Variants in ZEB2 observed in about 807,000 individuals in gnomAD.
ZEB2 encodes the protein zinc finger E-box-binding homeobox 2.
Under a neutral mutation model 99.9 loss-of-function variants are expected in ZEB2, and 6 were observed. That is an observed-to-expected ratio of 0.06 (90% confidence interval 0.03 to 0.12). The LOEUF is 0.12. Among genes scored for constraint, ZEB2 ranks in the 10% least tolerant of loss-of-function variants. The probability of loss-of-function intolerance (pLI) is 1.00; values close to 1 mark genes in which losing one functional copy is unlikely to be tolerated. For missense variants in ZEB2, 969 were observed against 1,502.8 expected (o/e 0.64, Z 5.87); for synonymous variants, 517 against 542.5 (o/e 0.95, Z 0.65).
chr2:144,465,028 ACCTCACTTGT>A (rs1704252737), intron 2 of ZEB2, among the ~76,000 whole-genome samples: 1 of 152,178 alleles, frequency 6.6e-6, no homozygotes, highest in Non-Finnish European at 1.5e-5. Flanking sequence ...CAACAGAAAC[ACCTCACTTGT>A]CCAACTCACC....
intron 2 of ZEB2, chr2:144,464,472 G>A (rs904654198): frequency 6.6e-6 from 1 of 152,086 alleles, no homozygotes; most frequent in Admixed American, 6.5e-5. Flanking sequence ...AGATAACATA[G>A]CTGGGCTTTA....
At chr2:144,409,536 T>C (rs551298123) in intron 4 of ZEB2, among the ~76,000 whole-genome samples, 2 of 152,150 alleles carry the variant, frequency 1.3e-5, no homozygotes, top group Non-Finnish European at 2.9e-5. Context: ...GTATTTATGA[T>C]CAAACCATAA....
intron 2 of ZEB2, chr2:144,449,672 G>C (rs1470721177): frequency 6.6e-6 from 1 of 152,270 alleles, no homozygotes; most frequent in Admixed American, 6.5e-5. Context: ...ATTGGTGGCT[G>C]TTTTAAAAGC....
At position 144,429,753 on chromosome 2, in the gene ZEB2, G is replaced by A. The variant is rs2149891110; in HGVS notation, c.331+16C>T. The A allele has an allele frequency of 3.1e-6, 5 of 1,613,754 alleles. No individual in the cohort carries two copies. The highest frequency in any genetic ancestry group is 4.2e-6 in the Non-Finnish European group (5 of 1,179,758). ...AAGATGGTACAGGAAGAGGCCAAGT[G>A]ATTTTAGACACTTACCTGGACCATC... On this transcript the variant is annotated intron_variant, in intron 3 of 9. Coordinates refer to ENST00000627532, the MANE Select transcript of ZEB2 (RefSeq NM_014795.4).
chr2:144,517,260 G>A lies in ZEB2; in HGVS notation c.73+18C>T, dbSNP rs775353217. On this transcript the variant is annotated intron_variant, in intron 2 of 9. Coordinates refer to ENST00000627532, the MANE Select transcript of ZEB2 (RefSeq NM_014795.4). ...CCGCGTAGTGGCCCGGAAAAGTTTG[G>A]TTCGGGCTGCTTCTTACCGTTTTTC... 2 of 1,613,178 alleles carry A rather than the reference G, an allele frequency of 1.2e-6. No individual in the cohort carries two copies. The highest frequency in any genetic ancestry group is 1.7e-6 in the Non-Finnish European group (2 of 1,179,766).
At chr2:144,411,403 T>C (rs1289737735) in intron 4 of ZEB2, among the ~76,000 whole-genome samples, 2 of 152,142 alleles carry the variant, frequency 1.3e-5, no homozygotes, top group East Asian at 1.9e-4. Context: ...TCAGCATTTG[T>C]TGAGGTCTAT....
Position 144,389,293 on chromosome 2 carries a change from C to T in ZEB2, c.*158G>A, listed in dbSNP as rs1703121596. On this transcript the variant is annotated 3_prime_UTR_variant, in exon 10 of 10. Transcript: ENST00000627532. This position sits in a 1 kb window ranked among gnomAD's most constrained non-coding sequence, Gnocchi z 6.8. Reference sequence around the variant, plus strand: ...TTTTAACAATACCCAGCTCCAACTCCGTCTACATCTGTCTTGGCTGAACCG... The same window carrying T: ...TTTTAACAATACCCAGCTCCAACTCTGTCTACATCTGTCTTGGCTGAACCG... The T allele has an allele frequency of 1.2e-6, 1 of 850,540 alleles. No homozygotes were observed. The highest frequency in any genetic ancestry group is 2.3e-5 in the Admixed American group (1 of 43,932). The allele number at this position is 850,540 out of a possible 1,614,324, so 52.7% of individuals were successfully genotyped here.
chr2:144,515,972 T>C (rs1268542922), intron 2 of ZEB2: 1 of 151,988 alleles, frequency 6.6e-6, no homozygotes, highest in Non-Finnish European at 1.5e-5. Context: ...AGAGGAAAGT[T>C]GCTCCAAGTG....
intron 2 of ZEB2, among the ~76,000 whole-genome samples, chr2:144,459,083 T>C (rs923491748): frequency 3.3e-5 from 5 of 152,146 alleles, no homozygotes. Context: ...GTATTACATA[T>C]ATAAACATAG....
At chr2:144,509,084 A>G (rs941871916) in intron 2 of ZEB2, among the ~76,000 whole-genome samples, 2 of 152,126 alleles carry the variant, frequency 1.3e-5, no homozygotes, top group African/African-American at 2.4e-5. Context: ...TTTCATGCCT[A>G]TAAGACTTGT....
chr2:144,484,324 G>A (rs1704563787), intron 2 of ZEB2, among the ~76,000 whole-genome samples: 1 of 152,146 alleles, frequency 6.6e-6, no homozygotes, highest in South Asian at 2.1e-4. Context: ...TCCAGTCCCT[G>A]CATTTTATCA....
intron 2 of ZEB2, chr2:144,512,704 G>A: frequency 2.3e-6 from 3 of 1,287,180 alleles, no homozygotes; most frequent in Non-Finnish European, 2.0e-6. Flanking sequence ...GCTCTGCTAC[G>A]AAGGAAAGCA....
At position 144,464,598 on chromosome 2, in the gene ZEB2, C is replaced by T. The variant is rs191659350; in HGVS notation, c.74-34572G>A. On this transcript the variant is annotated intron_variant, in intron 2 of 9. Transcript: ENST00000627532. ...TAATTTGTTTTATAACCTAAACAAGCAATCAATGTACATTAATAAGCATAA... is the reference window on the plus strand; with the variant it reads ...TAATTTGTTTTATAACCTAAACAAGTAATCAATGTACATTAATAAGCATAA... Among the ~76,000 whole-genome samples the T allele has an allele frequency of 7.9e-5, 12 of 152,150 alleles. No individual in the cohort carries two copies. In the East Asian group the frequency reaches 2.3e-3, roughly 29 times the overall value.
chr2:144,425,569 G>A (rs757147149), intron 3 of ZEB2, among the ~76,000 whole-genome samples: 2 of 152,052 alleles, frequency 1.3e-5, no homozygotes, highest in Non-Finnish European at 2.9e-5. Flanking sequence ...ACAGCTCAGT[G>A]TTCTGATGAA....
intron 4 of ZEB2, among the ~76,000 whole-genome samples, chr2:144,415,145 A>G (rs973235955): frequency 1.3e-5 from 2 of 152,026 alleles, no homozygotes. Flanking sequence ...TTCTCTGTTC[A>G]AGATGCTTAT....
intron 4 of ZEB2, among the ~76,000 whole-genome samples, chr2:144,416,949 T>C (rs1434701467): frequency 1.3e-5 from 2 of 152,380 alleles, no homozygotes; most frequent in African/African-American, 2.4e-5. Context: ...ATCCAGATGA[T>C]ATTATAATCA....
chr2:144,491,075 A>C (rs1382114625), intron 2 of ZEB2, among the ~76,000 whole-genome samples: 1 of 152,254 alleles, frequency 6.6e-6, no homozygotes, highest in East Asian at 1.9e-4. Context: ...GCTCAGAAGA[A>C]GCTGTTATGG....
intron 2 of ZEB2, among the ~76,000 whole-genome samples, chr2:144,459,762 C>G (rs1704167270): frequency 6.6e-6 from 1 of 152,096 alleles, no homozygotes; most frequent in Non-Finnish European, 1.5e-5. Context: ...AATAAGGTAA[C>G]AGAGCTAAAG....
At chr2:144,506,239 T>C (rs1264372722) in intron 2 of ZEB2, among the ~76,000 whole-genome samples, 2 of 152,190 alleles carry the variant, frequency 1.3e-5, no homozygotes, top group African/African-American at 2.4e-5. Context: ...ATGACTGTAG[T>C]GAAAGTTAAA....
Sources: gnomAD v4.1 joint callset for allele counts (sites outside exome capture counted in the v4.1 genomes callset) on GRCh38, gnomAD v4.1.1 for gene constraint, Gnocchi (gnomAD v3.1) non-coding constraint, MANE v1.5 for transcripts, NCBI Gene and HGNC (gene_info 2026-07-23, HGNC 2026-07-21) for gene names.